Variants in C2orf92 observed in about 807,000 individuals in gnomAD.
C2orf92 encodes chromosome 2 open reading frame 92.
rs1179401037 is a variant in C2orf92 at position 97,702,997 on chromosome 2, G to A, written c.*196G>A. 10 of 389,392 alleles carry A rather than the reference G, an allele frequency of 2.6e-5. No individual in the cohort carries two copies. The highest frequency in any genetic ancestry group is 4.1e-5 in the African/African-American group (2 of 48,456). The allele number at this position is 389,392 out of a possible 1,614,324, so 24.1% of individuals were successfully genotyped here. The stretch of plus-strand genomic sequence containing the variant: ...CACTTGTGGCAATATGGCACCGATG[G>A]CTGGCGTCGGTGAACCCGACAGACT... On this transcript the variant is annotated 3_prime_UTR_variant, in exon 8 of 8. Coordinates refer to ENST00000627399, the MANE Select transcript of C2orf92 (RefSeq NM_001351368.2).
At chr2:97,698,338 C>T (rs1383265588) in intron 5 of C2orf92, among the ~76,000 whole-genome samples, 1 of 152,198 alleles carries the variant, frequency 6.6e-6, no homozygotes, top group Non-Finnish European at 1.5e-5. Context: ...GGCCCTTTGA[C>T]AGGTCCCATA....
chr2:97,675,075 G>T (rs1675533075), intron 2 of C2orf92, among the ~76,000 whole-genome samples: 1 of 152,138 alleles, frequency 6.6e-6, no homozygotes. Flanking sequence ...CAGCACTGAT[G>T]CTCCAGTGCC....
intron 7 of C2orf92, among the ~76,000 whole-genome samples, chr2:97,701,852 C>T (rs1676506628): frequency 6.6e-6 from 1 of 152,234 alleles, no homozygotes. Context: ...CTCCAAGGCT[C>T]TGCTTCAGTG....
intron 3 of C2orf92, among the ~76,000 whole-genome samples, chr2:97,676,837 C>A (rs183287019): frequency 6.6e-6 from 1 of 152,020 alleles, no homozygotes; most frequent in African/African-American, 2.4e-5. Flanking sequence ...GGGGTGAGAC[C>A]TTTGCATCAC....
intron 5 of C2orf92, among the ~76,000 whole-genome samples, chr2:97,696,400 A>G (rs1469628717): frequency 6.6e-6 from 1 of 152,042 alleles, no homozygotes; most frequent in Non-Finnish European, 1.5e-5. Context: ...TCCAGACCAC[A>G]CTGTCTGCAC....
chr2:97,674,232 A>T (rs983979014), intron 1 of C2orf92: 1 of 352,452 alleles, frequency 2.8e-6, no homozygotes. Context: ...TTGGGGTCAT[A>T]TATCTTTAGT....
intron 3 of C2orf92, among the ~76,000 whole-genome samples, chr2:97,686,175 A>AAG (rs1468199667): frequency 6.6e-6 from 1 of 152,228 alleles, no homozygotes. Context: ...TAGAGGGTGA[A>AAG]AGAGAGAGCA....
In C2orf92 at chr2:97,699,106, A is replaced by G. The variant is rs980891473; in HGVS notation, c.484A>G (p.Lys162Glu). ...AAGAGAGCAGTTAACTACTATAGAT[A>G]AAGAAACACTTCAAGGAGCAGCTAA... The part of the protein sequence containing the change: ...DLREQLTTID[K>E]ETLQGAAKPD... The change falls in exon 6 of 8, where the codon AAA becomes GAA. Residue 162 changes from lysine (K) to glutamate (E), a missense_variant. Transcript: ENST00000627399. 7 of 398,528 alleles carry G rather than the reference A, an allele frequency of 1.8e-5. No individual in the cohort carries two copies. Among genetic ancestry groups the G allele is most frequent in the African/African-American group, 1.0e-4 (5 of 48,644 alleles). 24.7% of individuals were successfully genotyped at this position (398,528 alleles called of 1,614,324 possible).
At chr2:97,699,333 C>T (rs1014187880) in intron 6 of C2orf92, among the ~76,000 whole-genome samples, 197 bp downstream of exon 6, 18 of 152,154 alleles carry the variant, frequency 1.2e-4, no homozygotes, top group African/African-American at 3.9e-4. Context: ...CGGTGGCTCA[C>T]GCCTGTAATC....
At chr2:97,681,295 A>C (rs1032612634) in intron 3 of C2orf92, among the ~76,000 whole-genome samples, 1 of 152,124 alleles carries the variant, frequency 6.6e-6, no homozygotes, top group Non-Finnish European at 1.5e-5. Context: ...ATATGTTAGG[A>C]CACAAATCTT....
At chr2:97,685,970 A>G (rs960536110) in intron 3 of C2orf92, among the ~76,000 whole-genome samples, 2 of 152,220 alleles carry the variant, frequency 1.3e-5, no homozygotes, top group African/African-American at 4.8e-5. Flanking sequence ...CAGCTGCTAC[A>G]TGTCCATTTT....
intron 3 of C2orf92, among the ~76,000 whole-genome samples, chr2:97,688,444 AT>A (rs1676033296): frequency 6.6e-6 from 1 of 152,188 alleles, no homozygotes; most frequent in Admixed American, 6.5e-5. Flanking sequence ...AACTTAATGT[AT>A]TTCAAAAATG....
chr2:97,684,532 A>G (rs992683916), intron 3 of C2orf92, among the ~76,000 whole-genome samples: 3 of 152,210 alleles, frequency 2.0e-5, no homozygotes, highest in Non-Finnish European at 4.4e-5. Flanking sequence ...TTAGAAGTAA[A>G]CATAGGTGAA....
At chr2:97,672,004 C>A (rs987984050) in intron 1 of C2orf92, among the ~76,000 whole-genome samples, 4 of 152,234 alleles carry the variant, frequency 2.6e-5, no homozygotes, top group South Asian at 4.1e-4. Context: ...CCACTCTGAA[C>A]CTTCCACTGA....
chr2:97,696,384 G>C (rs773509075), intron 5 of C2orf92, among the ~76,000 whole-genome samples: 3 of 151,962 alleles, frequency 2.0e-5, no homozygotes, highest in Admixed American at 6.6e-5. Context: ...TGCAGGGACA[G>C]TAAATTCCAG....
chr2:97,681,793 G>A lies in C2orf92; in HGVS notation c.232+5865G>A, dbSNP rs1394990372. On this transcript the variant is annotated intron_variant, in intron 3 of 7. Coordinates refer to ENST00000627399, the MANE Select transcript of C2orf92 (RefSeq NM_001351368.2). ...GAATGGCATGAACCCAGGAGGCGGA[G>A]CTTGCAGTGAGCCGAGATGGTGCCA... is the stretch of plus-strand genomic sequence containing the variant. Among the ~76,000 whole-genome samples the A allele has an allele frequency of 3.9e-5, 6 of 152,040 alleles. No homozygotes were observed. The East Asian group carries it at 1.2e-3, about 29-fold the overall frequency.
intron 3 of C2orf92, 50 bp from the exon 4 acceptor site, chr2:97,688,845 T>C (rs536312446): frequency 1.5e-5 from 6 of 398,414 alleles, no homozygotes; most frequent in Non-Finnish European, 2.2e-5. Flanking sequence ...GAGCAAAATA[T>C]ATCAATCCTG....
At chr2:97,673,243 A>G (rs2104537522) in intron 1 of C2orf92, among the ~76,000 whole-genome samples, 1 of 152,158 alleles carries the variant, frequency 6.6e-6, no homozygotes, top group South Asian at 2.1e-4. Context: ...ACATCCCAGG[A>G]AGTGCTGGGG....
At chr2:97,669,674 G>A (rs1675344991), upstream of C2orf92, 3 of 395,462 alleles carry the variant, frequency 7.6e-6, no homozygotes, top group East Asian at 7.2e-5. Flanking sequence ...CCTCACTTCC[G>A]TGTATGACTT....
Sources: gnomAD v4.1 joint callset for allele counts (sites outside exome capture counted in the v4.1 genomes callset) on GRCh38, gnomAD v4.1.1 for gene constraint, MANE v1.5 for transcripts, NCBI Gene and HGNC (gene_info 2026-07-23, HGNC 2026-07-21) for gene names.